Variants in CSMD1 observed in about 807,000 individuals in gnomAD.
CSMD1 encodes CUB and Sushi multiple domains 1.
In CSMD1, 213 loss-of-function variants were observed where a neutral mutation model predicts 417.5. The ratio of observed to expected loss-of-function variants is 0.51; its 90% confidence interval spans 0.46 to 0.57. The LOEUF is 0.57. Among genes scored for constraint, CSMD1 ranks in the 20% least tolerant of loss-of-function variants. The probability of loss-of-function intolerance (pLI) is 0.00; values close to 1 mark genes in which losing one functional copy is unlikely to be tolerated. For missense variants in CSMD1, 6,923 were observed against 4,529.7 expected, an observed-to-expected ratio of 1.53 and a Z score of -15.17; for synonymous variants, 2,862 against 1,736.8, an observed-to-expected ratio of 1.65 and a Z score of -16.11.
intron 2 of CSMD1, among the ~76,000 whole-genome samples, chr8:4,450,833 G>A (rs916442498): frequency 6.6e-5 from 10 of 152,142 alleles, no homozygotes; most frequent in African/African-American, 2.4e-4. Context: ...GCACTTGTGA[G>A]TAAGGGTGGT....
intron 5 of CSMD1, among the ~76,000 whole-genome samples, chr8:3,957,786 A>G (rs985760093): frequency 3.9e-5 from 6 of 152,150 alleles, no homozygotes; most frequent in African/African-American, 1.4e-4. Flanking sequence ...TGCCAAGAAG[A>G]ATAATGTTGT....
At chr8:4,377,288 GGGA>G (rs1292065404) in intron 3 of CSMD1, among the ~76,000 whole-genome samples, 1 of 152,174 alleles carries the variant, frequency 6.6e-6, no homozygotes, top group Non-Finnish European at 1.5e-5. Flanking sequence ...GAGAGCAAAA[GGGA>G]GGAGGAGAAG....
Position 4,845,022 on chromosome 8 carries a change from T to G in CSMD1, c.85+149310A>C, listed in dbSNP as rs572132891. 3.3e-5 allele frequency among the ~76,000 whole-genome samples: 5 copies of G among 152,020 alleles called. No individual in the cohort carries two copies. In the East Asian group the frequency reaches 7.8e-4, roughly 24 times the overall value. ...CATTTTCACATAATACTTAGCATTT[T>G]ACATGCATATTTACAAATTAAGTTC... On this transcript the variant is annotated intron_variant, in intron 1 of 69. Transcript: ENST00000635120.
chr8:4,375,332 G>A (rs1162124404), intron 3 of CSMD1, among the ~76,000 whole-genome samples: 1 of 152,066 alleles, frequency 6.6e-6, no homozygotes, highest in Non-Finnish European at 1.5e-5. Context: ...TGGTCTGTCA[G>A]GAGGGTGATC....
At chr8:4,654,200 T>C (rs957011741) in intron 1 of CSMD1, among the ~76,000 whole-genome samples, 3 of 152,154 alleles carry the variant, frequency 2.0e-5, no homozygotes, top group Non-Finnish European at 2.9e-5. Context: ...TGGAGTAGTC[T>C]GGATCTAGTA....
intron 3 of CSMD1, among the ~76,000 whole-genome samples, chr8:4,212,899 C>A (rs777066291): frequency 6.6e-6 from 1 of 151,910 alleles, no homozygotes; most frequent in African/African-American, 2.4e-5. Flanking sequence ...AGAGGCTGAG[C>A]TGGAAAGAAG....
intron 10 of CSMD1, among the ~76,000 whole-genome samples, chr8:3,551,945 G>A (rs1276523587): frequency 1.3e-5 from 2 of 152,216 alleles, no homozygotes; most frequent in African/African-American, 4.8e-5. Context: ...ACTGAAAGAT[G>A]AGGCTGCCAC....
At chr8:3,723,814 C>G (rs995521447) in intron 6 of CSMD1, among the ~76,000 whole-genome samples, 1 of 152,194 alleles carries the variant, frequency 6.6e-6, no homozygotes, top group Non-Finnish European at 1.5e-5. Context: ...CCGCAACTTA[C>G]TGCTACCAAA....
intron 7 of CSMD1, among the ~76,000 whole-genome samples, chr8:3,649,386 G>A (rs575147821): frequency 1.3e-5 from 2 of 152,138 alleles, no homozygotes. Flanking sequence ...AAATTCATCT[G>A]TATTAGTTCG....
At chr8:3,919,696 T>G in intron 5 of CSMD1, among the ~76,000 whole-genome samples, 1 of 152,166 alleles carries the variant, frequency 6.6e-6, no homozygotes, top group East Asian at 1.9e-4. Flanking sequence ...TGATAGAGAT[T>G]GCTTTGAATC....
chr8:3,300,035 C>A (rs1359814316), intron 25 of CSMD1, among the ~76,000 whole-genome samples: 1 of 152,020 alleles, frequency 6.6e-6, no homozygotes, highest in Non-Finnish European at 1.5e-5. Flanking sequence ...GCATTACTTA[C>A]AACAGTGAAA....
chr8:3,939,217 A>G (rs2129742485), intron 5 of CSMD1, among the ~76,000 whole-genome samples: 1 of 152,248 alleles, frequency 6.6e-6, no homozygotes, highest in East Asian at 1.9e-4. Flanking sequence ...GTAATTCATC[A>G]CGAATAAACT....
intron 5 of CSMD1, among the ~76,000 whole-genome samples, chr8:3,757,712 G>C (rs1797737203): frequency 6.6e-6 from 1 of 151,984 alleles, no homozygotes; most frequent in Non-Finnish European, 1.5e-5. Context: ...AGCTGGGCAT[G>C]GTGGCAGGCA....
At chr8:3,835,733 A>T (rs1170328265) in intron 5 of CSMD1, among the ~76,000 whole-genome samples, 1 of 151,680 alleles carries the variant, frequency 6.6e-6, no homozygotes, top group Non-Finnish European at 1.5e-5. Context: ...AAAAAAAAAA[A>T]AAGAAATTTG....
intron 46 of CSMD1, among the ~76,000 whole-genome samples, chr8:3,099,225 G>A (rs189402657): frequency 2.6e-5 from 4 of 152,108 alleles, no homozygotes; most frequent in Admixed American, 2.0e-4. Flanking sequence ...CACAGAGGGA[G>A]GTCGTGGGAA....
At chr8:4,143,507 G>A (rs1055454601) in intron 3 of CSMD1, among the ~76,000 whole-genome samples, 1 of 150,504 alleles carries the variant, frequency 6.6e-6, no homozygotes, top group Non-Finnish European at 1.5e-5. Flanking sequence ...TTAAACTAAA[G>A]AAGAAGTTGA....
At chr8:4,982,841 G>A (rs572230845) in intron 1 of CSMD1, among the ~76,000 whole-genome samples, 2 of 152,246 alleles carry the variant, frequency 1.3e-5, no homozygotes, top group African/African-American at 4.8e-5. Context: ...TGCCCCTTCC[G>A]TGTCTCTTGT....
Position 3,354,284 on chromosome 8 carries a change from C to G in CSMD1, c.3304+4868G>C, listed in dbSNP as rs112050598. ...TGCCTCACATTTAACAGAGATGTTTCTTAACATAATGGCTGGAAGTAAAGG... is the reference window on the plus strand; with the variant it reads ...TGCCTCACATTTAACAGAGATGTTTGTTAACATAATGGCTGGAAGTAAAGG... On this transcript the variant is annotated intron_variant, in intron 21 of 69. Transcript: ENST00000635120. Among the ~76,000 whole-genome samples, 25 of 152,200 alleles carry G rather than the reference C, an allele frequency of 1.6e-4. No individual in the cohort carries two copies. In the East Asian group the frequency reaches 3.5e-3, roughly 21 times the overall value.
At chr8:3,090,934 T>C (rs1254672326) in intron 48 of CSMD1, among the ~76,000 whole-genome samples, 3 of 152,202 alleles carry the variant, frequency 2.0e-5, no homozygotes, top group African/African-American at 7.2e-5. Context: ...TACTAATTGA[T>C]TTAGTTAATA....
Sources: allele counts gnomAD v4.1 joint callset (sites outside exome capture counted in the v4.1 genomes callset), GRCh38; gene constraint gnomAD v4.1.1; transcripts MANE v1.5; gene names NCBI Gene and HGNC (gene_info 2026-07-23, HGNC 2026-07-21).